Variants in HNRNPAB observed in about 807,000 individuals in gnomAD.
HNRNPAB encodes the protein ABBP-1.
In HNRNPAB, 17 loss-of-function variants were observed where a neutral mutation model predicts 44.1. The ratio of observed to expected loss-of-function variants is 0.39; its 90% confidence interval spans 0.26 to 0.58. HNRNPAB has a LOEUF of 0.58. HNRNPAB is among the 20% of genes least tolerant of loss of function. The pLI, the probability that HNRNPAB is intolerant of heterozygous loss-of-function variation, is 0.63. For synonymous variants in HNRNPAB, 183 were observed against 167.6 expected (o/e 1.09, Z -0.71); for missense variants, 393 against 432.7 (o/e 0.91, Z 0.81).
chr5:178,207,084 C>G lies in HNRNPAB; in HGVS notation c.538-10C>G. 6.2e-7 allele frequency: 1 copy of G among 1,613,888 alleles called. No individual in the cohort carries two copies. The highest frequency in any genetic ancestry group is 8.5e-7 in the Non-Finnish European group (1 of 1,179,912). On this transcript the variant is annotated splice_polypyrimidine_tract_variant and intron_variant, in intron 4 of 7. Coordinates refer to ENST00000358344, the MANE Select transcript of HNRNPAB (RefSeq NM_031266.3). The stretch of plus-strand genomic sequence containing the variant: ...GGTATTGGGCCTGAGTTTGCCTATG[C>G]TTTTTGCAGATTGAGGCCATTGAAT...
intron 5 of HNRNPAB, chr5:178,208,405 A>ATC (rs1757210412): frequency 6.6e-6 from 1 of 152,206 alleles, no homozygotes; most frequent in South Asian, 2.1e-4. Flanking sequence ...CTTTTTCTCT[A>ATC]TGTGCCATAA....
chr5:178,207,462 CTG>C (rs1479853936), intron 5 of HNRNPAB, among the ~76,000 whole-genome samples: 8 of 152,182 alleles, frequency 5.3e-5, no homozygotes, highest in African/African-American at 1.9e-4. Flanking sequence ...AAGGTGGCCT[CTG>C]TGAATAGAGC....
intron 6 of HNRNPAB, 139 bp from the exon 7 acceptor site, chr5:178,209,993 T>C: frequency 8.3e-7 from 1 of 1,207,472 alleles, no homozygotes; most frequent in Non-Finnish European, 1.2e-6. Context: ...AGGGCCCTTA[T>C]ACACCAGAAC....
chr5:178,208,449 G>GT (rs1757215276), intron 5 of HNRNPAB: 1 of 152,218 alleles, frequency 6.6e-6, no homozygotes, highest in Admixed American at 6.5e-5. Flanking sequence ...CTAAGGCAGA[G>GT]TTTAAGTGAA....
chr5:178,210,814 T>G lies in HNRNPAB; in HGVS notation c.*191T>G, dbSNP rs1226583547. The G allele has an allele frequency of 1.6e-6, 1 of 610,030 alleles. No homozygotes were observed. 37.8% of individuals were successfully genotyped at this position (610,030 alleles called of 1,614,324 possible). A position where few individuals can be genotyped will look rare whatever the true frequency, so the allele number is the denominator to read the frequency against. On this transcript the variant is annotated 3_prime_UTR_variant, in exon 8 of 8. Coordinates refer to ENST00000358344, the MANE Select transcript of HNRNPAB (RefSeq NM_031266.3). ...GAGCTCTAGGTGTTTAGGCAGCGTG[T>G]GGTGTCTGAGAGGCCATAGCGCCAT...
Position 178,205,977 on chromosome 5 carries a change from T to C in HNRNPAB, c.345T>C (p.Phe115=). ...CTGGACGGTCAAGAGGGTTTGGGTT[T>C]ATCCTGTTCAAAGATGCAGCCAGTG... is the stretch of plus-strand genomic sequence containing the variant. ...PNTGRSRGFG[F]ILFKDAASVE... is the part of the protein sequence containing the mutation. Residue 115 remains phenylalanine, a synonymous_variant, in exon 3 of 8, where the codon TTT becomes TTC. Transcript: ENST00000358344. 1 of 1,614,214 alleles carries C rather than the reference T, an allele frequency of 6.2e-7. No individual in the cohort carries two copies. Among genetic ancestry groups the C allele is most frequent in the South Asian group, 1.1e-5 (1 of 91,082 alleles).
intron 3 of HNRNPAB, 62 bp from the exon 4 acceptor site, chr5:178,206,668 TAG>T (rs1757075105): frequency 6.6e-7 from 1 of 1,516,968 alleles, no homozygotes; most frequent in East Asian, 2.3e-5. Context: ...CTTTATGGCT[TAG>T]AGAGAAGGGC....
chr5:178,205,570 C>T (rs1388936476), intron 2 of HNRNPAB: 2 of 351,472 alleles, frequency 5.7e-6, no homozygotes, highest in African/African-American at 4.1e-5. Context: ...ACATGAATTT[C>T]CAGTTATGAG....
rs77837239 is a variant in HNRNPAB at position 178,210,673 on chromosome 5, T to C, written c.*50T>C. The C allele has an allele frequency of 3.8e-4, 532 of 1,394,276 alleles. 2 individuals are homozygous for C. In the African/African-American group the frequency reaches 6.5e-3, roughly 17 times the overall value. The allele number at this position is 1,394,276 out of a possible 1,614,324, so 86.4% of individuals were successfully genotyped here. On this transcript the variant is annotated 3_prime_UTR_variant, in exon 8 of 8. Coordinates refer to ENST00000358344, the MANE Select transcript of HNRNPAB (RefSeq NM_031266.3). ...ATCGCACACATGCTTTGTTTGGATA[T>C]GGAGTGAACACAATTATGTACCAAA... is the stretch of plus-strand genomic sequence containing the variant.
In HNRNPAB at chr5:178,210,912, C is replaced by G. The variant is rs1366485754; in HGVS notation, c.*289C>G. Reference sequence around the variant, plus strand: ...TCTGCTTCCTGCTGCCGCTCTGCAGCCTGGACCTGTGGACCCTGGTTGTAA... The same window carrying G: ...TCTGCTTCCTGCTGCCGCTCTGCAGGCTGGACCTGTGGACCCTGGTTGTAA... On this transcript the variant is annotated 3_prime_UTR_variant, in exon 8 of 8. Coordinates refer to ENST00000358344, the MANE Select transcript of HNRNPAB (RefSeq NM_031266.3). 2.1e-5 allele frequency: 10 copies of G among 468,654 alleles called. No individual in the cohort carries two copies. Among genetic ancestry groups the G allele is most frequent in the African/African-American group, 1.8e-4 (9 of 50,722 alleles). The allele number at this position is 468,654 out of a possible 1,614,324, so 29.0% of individuals were successfully genotyped here. A position where few individuals can be genotyped will look rare whatever the true frequency, so the allele number is the denominator to read the frequency against.
chr5:178,210,748 A>C lies in HNRNPAB; in HGVS notation c.*125A>C. The C allele has an allele frequency of 1.3e-6, 1 of 740,756 alleles. No homozygotes were observed. The highest frequency in any genetic ancestry group is 1.6e-5 in the South Asian group (1 of 63,986). The allele number at this position is 740,756 out of a possible 1,614,324, so 45.9% of individuals were successfully genotyped here. Reference sequence around the variant, plus strand: ...CCTGTCCCATGTGCATCTTATTTAAAATTTCCCCCATGGAAATCACTCTCC... The same window carrying C: ...CCTGTCCCATGTGCATCTTATTTAACATTTCCCCCATGGAAATCACTCTCC... On this transcript the variant is annotated 3_prime_UTR_variant, in exon 8 of 8. Coordinates refer to ENST00000358344, the MANE Select transcript of HNRNPAB (RefSeq NM_031266.3).
chr5:178,207,667 GTCCACTTCCA>G (rs1260305857), intron 5 of HNRNPAB, among the ~76,000 whole-genome samples: 3 of 137,470 alleles, frequency 2.2e-5, no homozygotes, highest in Non-Finnish European at 3.1e-5. Context: ...CCAAGTCTTT[GTCCACTTCCA>G]TCCACTTTGA....
At position 178,210,175 on chromosome 5, in the gene HNRNPAB, C is replaced by T. The variant is rs1554103756; in HGVS notation, c.831C>T (p.Asn277=). Residue 277 remains asparagine (N), a synonymous_variant, in exon 7 of 8, where the codon AAC becomes AAT. Transcript: ENST00000358344. ...SWNQGYGNYW[N]QGYGYQQGYG... Reference sequence around the variant, plus strand: ...ATCAGGGCTACGGCAACTACTGGAACCAGGGCTACGGCTACCAGCAGGGCT... The same window carrying T: ...ATCAGGGCTACGGCAACTACTGGAATCAGGGCTACGGCTACCAGCAGGGCT... 6.2e-7 allele frequency: 1 copy of T among 1,613,778 alleles called. No individual in the cohort carries two copies. The highest frequency in any genetic ancestry group is 1.1e-5 in the South Asian group (1 of 91,072).
Position 178,210,569 on chromosome 5 carries a change from C to T in HNRNPAB, c.945C>T (p.Asn315=). Residue 315 remains asparagine (N), a synonymous_variant, in exon 8 of 8, where the codon AAC becomes AAT. Coordinates refer to ENST00000358344, the MANE Select transcript of HNRNPAB (RefSeq NM_031266.3). The part of the protein sequence containing the change: ...PGYDYSQGST[N]YGKSQRRGGH... ...CGTCCCTAGGTCAGGGTAGTACAAACTACGGCAAGAGCCAGCGACGTGGTG... is the reference window on the plus strand; with the variant it reads ...CGTCCCTAGGTCAGGGTAGTACAAATTACGGCAAGAGCCAGCGACGTGGTG... 1.9e-6 allele frequency: 3 copies of T among 1,614,136 alleles called. No homozygotes were observed. Among genetic ancestry groups the T allele is most frequent in the Non-Finnish European group, 8.5e-7 (1 of 1,179,962 alleles).
intron 7 of HNRNPAB, 131 bp downstream of exon 7, chr5:178,210,403 T>C (rs1561672427): frequency 1.9e-6 from 3 of 1,557,522 alleles, no homozygotes; most frequent in South Asian, 1.1e-5. Flanking sequence ...GCTACTTGAT[T>C]TTGAGCCTTA....
intron 2 of HNRNPAB, 25 bp from the exon 3 acceptor site, chr5:178,205,817 C>G: frequency 1.2e-6 from 2 of 1,603,774 alleles, no homozygotes; most frequent in Non-Finnish European, 1.7e-6. Context: ...GACTTGTTGC[C>G]GTGTGTCTCA....
intron 3 of HNRNPAB, 60 bp from the exon 4 acceptor site, chr5:178,206,668 TAGAG>T (rs1757075105): frequency 6.6e-6 from 10 of 1,516,968 alleles, no homozygotes; most frequent in South Asian, 3.4e-5. Flanking sequence ...CTTTATGGCT[TAGAG>T]AGAAGGGCCT....
chr5:178,205,094 C>A (rs1756986985), intron 2 of HNRNPAB, 48 bp downstream of exon 2: 3 of 1,176,906 alleles, frequency 2.5e-6, no homozygotes, highest in East Asian at 7.1e-5. Context: ...GTTCCGGGGC[C>A]GCCTTTTGTT....
In HNRNPAB at chr5:178,209,350, G is replaced by A. The variant is rs777269213; in HGVS notation, c.690G>A (p.Gln230=). The change falls in exon 6 of 8, where the codon CAG becomes CAA. Residue 230 remains glutamine (Q), a synonymous_variant. Coordinates refer to ENST00000358344, the MANE Select transcript of HNRNPAB (RefSeq NM_031266.3). The part of the protein sequence containing the change: ...SGSKCEIKVA[Q]PKEVYQQQQY... ...TTTAGTGTGAGATCAAGGTGGCCCA[G>A]CCCAAAGAAGTCTATCAGCAGCAGC... 2 of 1,614,208 alleles carry A rather than the reference G, an allele frequency of 1.2e-6. No homozygotes were observed. The highest frequency in any genetic ancestry group is 8.5e-7 in the Non-Finnish European group (1 of 1,180,020).
Sources: allele counts gnomAD v4.1 joint callset (sites outside exome capture counted in the v4.1 genomes callset), GRCh38; gene constraint gnomAD v4.1.1; transcripts MANE v1.5; gene names NCBI Gene and HGNC (gene_info 2026-07-23, HGNC 2026-07-21).